RGS6: variants seen among roughly 807,000 people sequenced by gnomAD.
RGS6 encodes the protein regulator of G protein signaling 6.
RGS6 carries 30 observed loss-of-function variants against 78.5 expected under a neutral mutation model. The observed-to-expected ratio is 0.38, with a 90% CI of 0.29 to 0.52. RGS6 has a LOEUF of 0.52. Ranked by LOEUF, RGS6 falls within the 20% of genes least tolerant of loss-of-function variation. The probability of loss-of-function intolerance (pLI) is 0.85; values close to 1 mark genes in which losing one functional copy is unlikely to be tolerated. For synonymous variants in RGS6, 206 were observed against 206.0 expected, an observed-to-expected ratio of 1.00 and a Z score of 0.00; for missense variants, 495 against 609.7, an observed-to-expected ratio of 0.81 and a Z score of 1.98.
chr14:72,045,346 A>G (rs994045944), intron 2 of RGS6, among the ~76,000 whole-genome samples: 4 of 152,172 alleles, frequency 2.6e-5, no homozygotes, highest in Admixed American at 6.5e-5. Flanking sequence ...ATTGGGTAAT[A>G]GACCTTTAGT....
At chr14:72,192,988 T>A (rs895257470) in intron 2 of RGS6, among the ~76,000 whole-genome samples, 1 of 151,782 alleles carries the variant, frequency 6.6e-6, no homozygotes, top group Non-Finnish European at 1.5e-5. Flanking sequence ...GGGTTTTTTT[T>A]TTTTTTTCTT....
intron 2 of RGS6, among the ~76,000 whole-genome samples, chr14:72,344,914 G>T (rs1169882296): frequency 6.6e-6 from 1 of 152,162 alleles, no homozygotes; most frequent in East Asian, 1.9e-4. Context: ...TACGAGTGTT[G>T]TTTAACGCAA....
At chr14:72,385,040 G>A (rs1213450489) in intron 3 of RGS6, among the ~76,000 whole-genome samples, 1 of 152,138 alleles carries the variant, frequency 6.6e-6, no homozygotes, top group Non-Finnish European at 1.5e-5. Context: ...GTGAGCCATG[G>A]TGCCTGGCCG....
intron 2 of RGS6, among the ~76,000 whole-genome samples, chr14:72,325,048 T>C (rs576646401): frequency 7.6e-4 from 116 of 152,296 alleles, no homozygotes; most frequent in African/African-American, 2.6e-3. Context: ...GGTCGCCATT[T>C]TAACTGGTGT....
intron 2 of RGS6, among the ~76,000 whole-genome samples, chr14:72,214,576 G>A (rs1208338144): frequency 3.9e-5 from 6 of 152,112 alleles, no homozygotes; most frequent in Admixed American, 3.9e-4. Context: ...AGAAGAAAAA[G>A]AATCTTTAAA....
At chr14:72,383,177 CATATATATATATATATATATATATAT>C (rs35175623) in intron 3 of RGS6, among the ~76,000 whole-genome samples, 1,581 of 71,034 alleles carry the variant, frequency 0.022, 59 homozygotes, top group Non-Finnish European at 0.035. Context: ...AAAAATTGTA[CATATATATATATATATATATATATAT>C]ATATATATAT....
chr14:72,307,196 G>T (rs1024304766), intron 2 of RGS6, among the ~76,000 whole-genome samples: 1 of 152,146 alleles, frequency 6.6e-6, no homozygotes, highest in African/African-American at 2.4e-5. Flanking sequence ...TTAAAATAAG[G>T]TATATACATT....
intron 2 of RGS6, among the ~76,000 whole-genome samples, chr14:72,245,874 C>G (rs2054100988): frequency 6.6e-6 from 1 of 152,182 alleles, no homozygotes; most frequent in Non-Finnish European, 1.5e-5. Context: ...GGAGAAACAA[C>G]AAGGTCTGTA....
chr14:72,295,128 A>G (rs573191650), intron 2 of RGS6, among the ~76,000 whole-genome samples: 10 of 151,642 alleles, frequency 6.6e-5, no homozygotes, highest in Middle Eastern at 3.4e-3. Context: ...CGTCTCTACT[A>G]AAAATACAAA....
chr14:72,285,220 T>C, intron 2 of RGS6, among the ~76,000 whole-genome samples: 1 of 151,908 alleles, frequency 6.6e-6, no homozygotes, highest in East Asian at 1.9e-4. Flanking sequence ...GGACATGAGA[T>C]TTGGGAGGGG....
At chr14:72,315,099 T>C (rs568118317) in intron 2 of RGS6, among the ~76,000 whole-genome samples, 1 of 152,316 alleles carries the variant, frequency 6.6e-6, no homozygotes, top group South Asian at 2.1e-4. Context: ...CTTTAGTAAT[T>C]TATTAAACTC....
the RGS6 span, among the ~76,000 whole-genome samples, chr14:72,576,994 C>T: frequency 1.3e-5 from 2 of 152,178 alleles, no homozygotes; most frequent in Non-Finnish European, 2.9e-5. Flanking sequence ...TCTGGAACAT[C>T]AGTGCAATCT....
chr14:72,453,794 G>A (rs1233628457), intron 3 of RGS6, among the ~76,000 whole-genome samples: 2 of 151,956 alleles, frequency 1.3e-5, no homozygotes, highest in Non-Finnish European at 2.9e-5. Flanking sequence ...TCCATGGTTG[G>A]AACCGTGGCT....
chr14:72,292,893 A>G (rs543936958), intron 2 of RGS6, among the ~76,000 whole-genome samples: 29 of 152,354 alleles, frequency 1.9e-4, no homozygotes, highest in Admixed American at 5.9e-4. Flanking sequence ...GGGCTGATGG[A>G]TTAAGAACAA....
intron 4 of RGS6, among the ~76,000 whole-genome samples, chr14:72,457,365 C>G (rs1417510793): frequency 6.6e-6 from 1 of 152,196 alleles, no homozygotes; most frequent in Non-Finnish European, 1.5e-5. Context: ...TAGTTTTAAC[C>G]TGTAACAGTA....
In RGS6 at chr14:72,449,834, C is replaced by T. The variant is rs563060956; in HGVS notation, c.185-4694C>T. ...TCGGGATTGAGCCTCCCACTGTTTA[C>T]CCCTCAGGAAAAAGAGAGCTTTGAG... On this transcript the variant is annotated intron_variant, in intron 3 of 17. Coordinates refer to ENST00000553525, the MANE Select transcript of RGS6 (RefSeq NM_001204424.2). Among the ~76,000 whole-genome samples, 18 of 152,242 alleles carry T rather than the reference C, an allele frequency of 1.2e-4. No individual in the cohort carries two copies. The South Asian group carries it at 3.7e-3, about 32-fold the overall frequency.
At chr14:72,371,248 G>C (rs1286465916) in intron 3 of RGS6, among the ~76,000 whole-genome samples, 1 of 152,126 alleles carries the variant, frequency 6.6e-6, no homozygotes, top group Non-Finnish European at 1.5e-5. Flanking sequence ...GAAAGCAAAG[G>C]CATATCTCTG....
intron 2 of RGS6, among the ~76,000 whole-genome samples, chr14:72,204,228 C>T (rs904162014): frequency 6.6e-6 from 1 of 152,166 alleles, no homozygotes; most frequent in African/African-American, 2.4e-5. Flanking sequence ...TCACCCCAAA[C>T]AGAAACTTGA....
At chr14:72,103,899 A>G (rs950429214) in intron 2 of RGS6, among the ~76,000 whole-genome samples, 3 of 152,218 alleles carry the variant, frequency 2.0e-5, no homozygotes, top group Admixed American at 1.3e-4. Flanking sequence ...CATTTTTACA[A>G]TTTACCAAAG....
Sources: allele counts gnomAD v4.1 joint callset (sites outside exome capture counted in the v4.1 genomes callset), GRCh38; gene constraint gnomAD v4.1.1; transcripts MANE v1.5; gene names NCBI Gene and HGNC (gene_info 2026-07-23, HGNC 2026-07-21).